KCND3: variants seen among roughly 807,000 people sequenced by gnomAD.
KCND3 encodes the protein A-type voltage-gated potassium channel KCND3.
KCND3 carries 9 observed loss-of-function variants against 51.1 expected under a neutral mutation model. That is an observed-to-expected ratio of 0.18 (90% CI 0.11 to 0.31). The LOEUF (loss-of-function observed/expected upper bound fraction) is 0.31, where lower values mean the gene tolerates loss of function less well. KCND3 is among the 10% of genes least tolerant of loss of function. The probability of loss-of-function intolerance (pLI) is 1.00; values close to 1 mark genes in which losing one functional copy is unlikely to be tolerated. For synonymous variants in KCND3, 349 were observed against 368.0 expected (o/e 0.95, Z 0.59); for missense variants, 526 against 903.8 (o/e 0.58, Z 5.36).
chr1:111,859,445 C>A (rs1252399552), intron 2 of KCND3, among the ~76,000 whole-genome samples: 2 of 152,212 alleles, frequency 1.3e-5, no homozygotes, highest in Admixed American at 1.3e-4. Context: ...TTTACTCTCT[C>A]CCTGAACCCA....
intron 2 of KCND3, among the ~76,000 whole-genome samples, chr1:111,952,324 T>C (rs554884610): frequency 6.6e-6 from 1 of 152,300 alleles, no homozygotes; most frequent in East Asian, 1.9e-4. Flanking sequence ...AGGGCAGGGC[T>C]GACCTGGAAG....
chr1:111,928,764 T>C (rs1371744861), intron 2 of KCND3, among the ~76,000 whole-genome samples: 1 of 152,050 alleles, frequency 6.6e-6, no homozygotes, highest in Non-Finnish European at 1.5e-5. Context: ...CCTTGCCACA[T>C]AGATCTCACG....
In KCND3 at chr1:111,923,731, C is replaced by T. The variant is rs76797613; in HGVS notation, c.1106+57890G>A. Among the ~76,000 whole-genome samples, 50 of 152,346 alleles carry T rather than the reference C, an allele frequency of 3.3e-4. 1 individual carries two copies. The East Asian group carries it at 9.1e-3, about 28-fold the overall frequency. On this transcript the variant is annotated intron_variant, in intron 2 of 7. Transcript: ENST00000302127. Reference sequence around the variant, plus strand: ...AAAAACCAACAGGGCCCTGCTACCTCGTCTGAAGCTCTAAGCTCCTCAGCA... The same window carrying T: ...AAAAACCAACAGGGCCCTGCTACCTTGTCTGAAGCTCTAAGCTCCTCAGCA...
chr1:111,887,601 G>A (rs539679180), intron 2 of KCND3, among the ~76,000 whole-genome samples: 13 of 152,318 alleles, frequency 8.5e-5, no homozygotes, highest in African/African-American at 3.1e-4. Context: ...AGTAGCAGGG[G>A]TAAACATTTA....
Position 111,981,221 on chromosome 1 carries a change from G to A in KCND3, c.1106+400C>T, listed in dbSNP as rs555108855. 3.0e-4 allele frequency among the ~76,000 whole-genome samples: 45 copies of A among 151,902 alleles called. No individual in the cohort carries two copies. The highest frequency in any genetic ancestry group is 6.3e-4 in the Non-Finnish European group (43 of 67,988). Reference sequence around the variant, plus strand: ...CTGGTAATGGACATCTGAACCCTCCGAACTTCTCAACAGTCTCCTCCCTCC... The same window carrying A: ...CTGGTAATGGACATCTGAACCCTCCAAACTTCTCAACAGTCTCCTCCCTCC... On this transcript the variant is annotated intron_variant, in intron 2 of 7. Transcript: ENST00000302127. This position sits in a 1 kb window ranked among gnomAD's most constrained non-coding sequence, Gnocchi z 6.2.
intron 2 of KCND3, among the ~76,000 whole-genome samples, chr1:111,854,797 C>G (rs552938657): frequency 6.6e-6 from 1 of 152,234 alleles, no homozygotes; most frequent in Admixed American, 6.5e-5. Context: ...ACCAAAAGCA[C>G]TGCCTGTGTT....
chr1:111,818,072 ACACACAG>A (rs1357133931), intron 2 of KCND3, among the ~76,000 whole-genome samples: 1 of 151,228 alleles, frequency 6.6e-6, no homozygotes, highest in African/African-American at 2.5e-5. Context: ...ACACACACAC[ACACACAG>A]AATTATGAGG....
At chr1:111,855,671 AC>A (rs1387768300) in intron 2 of KCND3, among the ~76,000 whole-genome samples, 1 of 151,872 alleles carries the variant, frequency 6.6e-6, no homozygotes, top group African/African-American at 2.4e-5. Context: ...CATATCTCTC[AC>A]CTTAGACCTT....
intron 2 of KCND3, among the ~76,000 whole-genome samples, chr1:111,796,131 G>A (rs934600386): frequency 6.6e-6 from 1 of 152,112 alleles, no homozygotes; most frequent in Non-Finnish European, 1.5e-5. Flanking sequence ...TTCCCATTCT[G>A]TAGGTTGTCT....
intron 2 of KCND3, among the ~76,000 whole-genome samples, chr1:111,944,863 G>A (rs553104899): frequency 8.5e-5 from 13 of 152,350 alleles, no homozygotes; most frequent in East Asian, 5.8e-4. Flanking sequence ...TGAACCAGGC[G>A]ATGCAGTGAG....
chr1:111,891,635 T>A (rs575841156), intron 2 of KCND3, among the ~76,000 whole-genome samples: 1 of 152,218 alleles, frequency 6.6e-6, no homozygotes, highest in Non-Finnish European at 1.5e-5. Flanking sequence ...CCGTTCTCCA[T>A]CACATGGGTT....
At chr1:111,900,021 A>G (rs796182445) in intron 2 of KCND3, among the ~76,000 whole-genome samples, 27 of 152,318 alleles carry the variant, frequency 1.8e-4, no homozygotes, top group African/African-American at 6.5e-4. Context: ...AGTAGAATCA[A>G]CTTGGCGCCA....
intron 2 of KCND3, among the ~76,000 whole-genome samples, chr1:111,858,063 G>T (rs956887911): frequency 6.6e-6 from 1 of 152,080 alleles, no homozygotes; most frequent in South Asian, 2.1e-4. Context: ...GGAGGTTGTC[G>T]GCTGCCGGTT....
chr1:111,858,499 T>C (rs1668192998), intron 2 of KCND3, among the ~76,000 whole-genome samples: 1 of 152,188 alleles, frequency 6.6e-6, no homozygotes, highest in Non-Finnish European at 1.5e-5. Context: ...GACTTTTAAA[T>C]AGCATGGGAA....
In KCND3 at chr1:111,981,294, T is replaced by C. The variant is rs1674933554; in HGVS notation, c.1106+327A>G. On this transcript the variant is annotated intron_variant, in intron 2 of 7. Transcript: ENST00000302127. This position sits in a 1 kb window ranked among gnomAD's most constrained non-coding sequence, Gnocchi z 6.2. ...CCCCACGCTGCCCCATATGCGCAAA[T>C]GCATATACAAATGCAGACATCACCT... 6.6e-6 allele frequency among the ~76,000 whole-genome samples: 1 copy of C among 151,966 alleles called. No homozygotes were observed. Among genetic ancestry groups the C allele is most frequent in the Non-Finnish European group, 1.5e-5 (1 of 68,010 alleles).
At chr1:111,957,081 A>G in intron 2 of KCND3, among the ~76,000 whole-genome samples, 1 of 152,202 alleles carries the variant, frequency 6.6e-6, no homozygotes, top group South Asian at 2.1e-4. Flanking sequence ...AACATCTCAA[A>G]CAAAACACAT....
intron 2 of KCND3, among the ~76,000 whole-genome samples, chr1:111,789,837 A>G (rs1336656706): frequency 1.3e-5 from 2 of 152,190 alleles, no homozygotes; most frequent in African/African-American, 4.8e-5. Context: ...TTGCATCATG[A>G]TTTTAACAAG....
At chr1:111,790,031 T>C (rs1187949666) in intron 2 of KCND3, among the ~76,000 whole-genome samples, 2 of 152,182 alleles carry the variant, frequency 1.3e-5, no homozygotes, top group African/African-American at 4.8e-5. Flanking sequence ...TCTCCTTTAA[T>C]GAAAAAGTAA....
intron 2 of KCND3, among the ~76,000 whole-genome samples, chr1:111,839,353 C>A (rs1228709590): frequency 6.6e-6 from 1 of 152,244 alleles, no homozygotes; most frequent in Non-Finnish European, 1.5e-5. Context: ...ATTTTCCTCA[C>A]TCTTCTCCAG....
Sources: gnomAD v4.1 joint callset for allele counts (sites outside exome capture counted in the v4.1 genomes callset) on GRCh38, gnomAD v4.1.1 for gene constraint, Gnocchi (gnomAD v3.1) non-coding constraint, MANE v1.5 for transcripts, NCBI Gene and HGNC (gene_info 2026-07-23, HGNC 2026-07-21) for gene names.